MBNL1: variants seen among roughly 807,000 people sequenced by gnomAD.
MBNL1 encodes muscleblind-like protein 1.
A neutral mutation model predicts 42.2 loss-of-function variants in MBNL1; 8 were observed. That is an observed-to-expected ratio of 0.19 (90% CI 0.11 to 0.34). MBNL1 has a LOEUF of 0.34. Ranked by LOEUF, MBNL1 falls within the 10% of genes least tolerant of loss-of-function variation. The probability of loss-of-function intolerance (pLI) is 1.00; values close to 1 mark genes in which losing one functional copy is unlikely to be tolerated. For missense variants in MBNL1, 309 were observed against 495.3 expected, an observed-to-expected ratio of 0.62 and a Z score of 3.57; for synonymous variants, 169 against 173.9, an observed-to-expected ratio of 0.97 and a Z score of 0.22.
In MBNL1 at chr3:152,445,211, T is replaced by C. The variant is rs578221715; in HGVS notation, c.550-71T>C. 3 of 1,408,058 alleles carry C rather than the reference T, an allele frequency of 2.1e-6. No homozygotes were observed. In the South Asian group the frequency reaches 3.9e-5, roughly 18 times the overall value. The allele number at this position is 1,408,058 out of a possible 1,614,324, so 87.2% of individuals were successfully genotyped here. The stretch of plus-strand genomic sequence containing the variant: ...GCCTTCTGTCACCAGTCTTGCACTT[T>C]AAGTTAAAATCTTCAGAAAGCTTCT... On this transcript the variant is annotated intron_variant, in intron 4 of 9. Coordinates refer to ENST00000324210, the MANE Select transcript of MBNL1 (RefSeq NM_021038.5).
chr3:152,338,442 A>G (rs565281381), intron 2 of MBNL1: 443 of 985,222 alleles, frequency 4.5e-4, no homozygotes, highest in Non-Finnish European at 5.0e-4. Context: ...GCTGGGTACC[A>G]TGTTGCCCTC....
intron 4 of MBNL1, among the ~76,000 whole-genome samples, chr3:152,439,749 T>C (rs1400581609): frequency 1.3e-5 from 2 of 152,040 alleles, no homozygotes; most frequent in Non-Finnish European, 2.9e-5. Context: ...CTTGAGAGAC[T>C]TAGGTGGGAG....
chr3:152,382,432 C>A (rs2097216490), intron 2 of MBNL1, among the ~76,000 whole-genome samples: 1 of 151,892 alleles, frequency 6.6e-6, no homozygotes, highest in Non-Finnish European at 1.5e-5. Context: ...GTTGTGTTAG[C>A]AAGAAAAAAT....
intron 3 of MBNL1, among the ~76,000 whole-genome samples, chr3:152,421,134 T>G (rs1342776761): frequency 2.0e-5 from 3 of 152,218 alleles, no homozygotes; most frequent in Non-Finnish European, 4.4e-5. Context: ...AGACCAAACC[T>G]ACGTTTGATT....
chr3:152,355,190 A>G (rs546142649), intron 2 of MBNL1, among the ~76,000 whole-genome samples: 1 of 152,282 alleles, frequency 6.6e-6, no homozygotes, highest in African/African-American at 2.4e-5. Context: ...TAGCAACATG[A>G]TTGGTGCTGG....
rs116133550 is a variant in MBNL1, at chr3:152,287,378, G to A, written c.-789-12027G>A. Among the ~76,000 whole-genome samples, 798 of 152,274 alleles carry A rather than the reference G, an allele frequency of 5.2e-3. 7 individuals carry two copies. The highest frequency in any genetic ancestry group is 0.018 in the African/African-American group (765 of 41,540). ...TCGATGGAATATAATCAAAGATTGT[G>A]TCACCAAATCTTTAAACAGGACATT... is the stretch of plus-strand genomic sequence containing the variant. On this transcript the variant is annotated intron_variant, in intron 1 of 9. Transcript: ENST00000324210.
At chr3:152,402,031 C>CA (rs35675539) in intron 2 of MBNL1, among the ~76,000 whole-genome samples, 16,033 of 104,260 alleles carry the variant, frequency 0.15, 1,052 homozygotes, top group Middle Eastern at 0.21. Context: ...GACTCTGTCT[C>CA]AAAAAAAAAA....
At chr3:152,252,793 A>T (rs1266340637) in intron 2 of MBNL1, among the ~76,000 whole-genome samples, 1 of 152,170 alleles carries the variant, frequency 6.6e-6, no homozygotes, top group Non-Finnish European at 1.5e-5. Flanking sequence ...TAAAGACAAG[A>T]GTAATCATAA....
At chr3:152,267,536 A>G (rs934799763), upstream of MBNL1, 24 of 152,206 alleles carry the variant, frequency 1.6e-4, no homozygotes, top group Non-Finnish European at 2.9e-4. Context: ...CTTGGGGTAG[A>G]TACTAATGGG....
At chr3:152,371,717 T>C (rs2096670062) in intron 2 of MBNL1, among the ~76,000 whole-genome samples, 1 of 152,220 alleles carries the variant, frequency 6.6e-6, no homozygotes, top group South Asian at 2.1e-4. Context: ...CCTTTCTCTC[T>C]GGCTGCCCTT....
chr3:152,269,631 T>C (rs896372837), intron 1 of MBNL1: 3 of 391,880 alleles, frequency 7.7e-6, no homozygotes, highest in African/African-American at 6.4e-5. Context: ...CTGCCTTATA[T>C]GGAGAGTGCT....
chr3:152,353,344 C>T (rs2095248039), intron 2 of MBNL1, among the ~76,000 whole-genome samples: 1 of 152,144 alleles, frequency 6.6e-6, no homozygotes, highest in Non-Finnish European at 1.5e-5. Context: ...GAAATCAAAC[C>T]ACCATTTACG....
intron 2 of MBNL1, among the ~76,000 whole-genome samples, chr3:152,387,033 G>T (rs1328115550): frequency 6.6e-6 from 1 of 152,058 alleles, no homozygotes; most frequent in Non-Finnish European, 1.5e-5. Context: ...GGCCAATGCA[G>T]CTTGAGTTTT....
In MBNL1 at chr3:152,362,371, T is replaced by C. The variant is rs115652170; in HGVS notation, c.175-52570T>C. On this transcript the variant is annotated intron_variant, in intron 2 of 9. Coordinates refer to ENST00000324210, the MANE Select transcript of MBNL1 (RefSeq NM_021038.5). ...GTTTGCGCAGATGTCAAAAGTCATA[T>C]GATGTAGATTCAAAAAAGTTACCTA... is the stretch of plus-strand genomic sequence containing the variant. 6.4e-3 allele frequency among the ~76,000 whole-genome samples: 979 copies of C among 152,318 alleles called. 9 individuals carry two copies. Among genetic ancestry groups the C allele is most frequent in the African/African-American group, 0.022 (930 of 41,568 alleles).
chr3:152,457,971 T>C (rs1218548750), intron 8 of MBNL1: 5 of 595,156 alleles, frequency 8.4e-6, no homozygotes, highest in Non-Finnish European at 1.5e-5. Flanking sequence ...CACACATATA[T>C]TATATCTACA....
chr3:152,375,496 T>C (rs2096858522), intron 2 of MBNL1, among the ~76,000 whole-genome samples: 3 of 152,094 alleles, frequency 2.0e-5, no homozygotes, highest in Admixed American at 2.0e-4. Context: ...ATGCCTGTAA[T>C]CCCAGCACTT....
chr3:152,458,056 A>C (rs1407637757), intron 8 of MBNL1: 3 of 1,216,882 alleles, frequency 2.5e-6, no homozygotes, highest in Non-Finnish European at 3.7e-6. Context: ...TGCAGCCTGC[A>C]TGCATGCAGA....
intron 2 of MBNL1, among the ~76,000 whole-genome samples, chr3:152,304,543 T>C (rs1476797475): frequency 2.0e-5 from 3 of 152,222 alleles, no homozygotes; most frequent in Non-Finnish European, 2.9e-5. Context: ...GTATCTCCCA[T>C]GTATTAAAAC....
At chr3:152,333,760 G>C (rs992101604) in intron 2 of MBNL1, among the ~76,000 whole-genome samples, 1 of 152,122 alleles carries the variant, frequency 6.6e-6, no homozygotes, top group Admixed American at 6.5e-5. Flanking sequence ...ATTATTTGCT[G>C]TTATTAAATC....
Sources: gnomAD v4.1 joint callset for allele counts (sites outside exome capture counted in the v4.1 genomes callset) on GRCh38, gnomAD v4.1.1 for gene constraint, MANE v1.5 for transcripts, NCBI Gene and HGNC (gene_info 2026-07-23, HGNC 2026-07-21) for gene names.